Variants in PHGDH observed in about 807,000 individuals in gnomAD.
PHGDH encodes phosphoglycerate dehydrogenase.
A neutral mutation model predicts 52.6 loss-of-function variants in PHGDH; 50 were observed. That is an observed-to-expected ratio of 0.95 (90% CI 0.76 to 1.20). The LOEUF (loss-of-function observed/expected upper bound fraction) is 1.20, where lower values mean the gene tolerates loss of function less well. Ranked by LOEUF, PHGDH falls within the 50% of genes most tolerant of loss-of-function variation. PHGDH has a pLI of 0.00. For synonymous variants in PHGDH, 271 were observed against 280.5 expected, an observed-to-expected ratio of 0.97 and a Z score of 0.34; for missense variants, 630 against 684.6, an observed-to-expected ratio of 0.92 and a Z score of 0.89.
intron 5 of PHGDH, among the ~76,000 whole-genome samples, chr1:119,728,529 G>C (rs1304164884): frequency 6.6e-6 from 1 of 152,146 alleles, no homozygotes; most frequent in East Asian, 1.9e-4. Context: ...TCTTCCCCCA[G>C]GTCTCTGCCT....
intron 1 of PHGDH, among the ~76,000 whole-genome samples, chr1:119,713,705 G>T (rs587710139): frequency 6.6e-6 from 1 of 152,288 alleles, no homozygotes; most frequent in South Asian, 2.1e-4. Flanking sequence ...TTGTATCAGT[G>T]GCTCTGGGGA....
rs59674663 is a variant in PHGDH, at chr1:119,722,898, C to CA, written c.291-461dup. On this transcript the variant is annotated intron_variant, in intron 2 of 11. Coordinates refer to ENST00000641023, the MANE Select transcript of PHGDH (RefSeq NM_006623.4). ...CCTGGGTGACAGAGCGAGGCCTTGTCAAAAAAAAAAAAAAAAAGCCAGGTT... is the reference window on the plus strand; with the variant it reads ...CCTGGGTGACAGAGCGAGGCCTTGTCAAAAAAAAAAAAAAAAAAGCCAGGTT... Among the ~76,000 whole-genome samples, 408 of 88,514 alleles carry CA rather than the reference C, an allele frequency of 4.6e-3. 1 individual carries two copies. Among genetic ancestry groups the CA allele is most frequent in the Middle Eastern group, 0.013 (2 of 150 alleles). 58.1% of individuals were successfully genotyped at this position (88,514 alleles called of 152,430 possible). A position where few individuals can be genotyped will look rare whatever the true frequency, so the allele number is the denominator to read the frequency against.
At chr1:119,722,504 G>T (rs587630043) in intron 2 of PHGDH, among the ~76,000 whole-genome samples, 19 of 152,296 alleles carry the variant, frequency 1.2e-4, no homozygotes, top group Admixed American at 3.3e-4. Context: ...ATTGCCCTGT[G>T]ACTTAGGGTG....
At chr1:119,725,824 G>A (rs899023327) in intron 3 of PHGDH, among the ~76,000 whole-genome samples, 21 of 152,306 alleles carry the variant, frequency 1.4e-4, no homozygotes, top group African/African-American at 4.6e-4. Context: ...GAGGCTGGCC[G>A]TGCTGGGGTT....
chr1:119,738,280 G>A (rs1051119426), intron 8 of PHGDH, among the ~76,000 whole-genome samples: 11 of 152,280 alleles, frequency 7.2e-5, no homozygotes, highest in African/African-American at 1.9e-4. Context: ...CAGGAGAGAC[G>A]GGGATTTTGG....
At chr1:119,737,598 G>A (rs1652002864) in intron 8 of PHGDH, among the ~76,000 whole-genome samples, 2 of 152,128 alleles carry the variant, frequency 1.3e-5, no homozygotes, top group South Asian at 4.1e-4. Flanking sequence ...GTGCTGCTTG[G>A]GTGCCAGCTG....
intron 6 of PHGDH, 48 bp from the exon 7 acceptor site, chr1:119,735,246 TG>T (rs1317743598): frequency 6.2e-7 from 1 of 1,612,906 alleles, no homozygotes; most frequent in Admixed American, 1.7e-5. Context: ...GGGATGAGCG[TG>T]GGGATCCTGG....
chr1:119,714,671 C>T (rs1338008563), intron 1 of PHGDH, among the ~76,000 whole-genome samples: 1 of 152,162 alleles, frequency 6.6e-6, no homozygotes, highest in Admixed American at 6.5e-5. Context: ...GAGGTTGAGA[C>T]CAGACTGGGC....
chr1:119,725,347 A>T (rs1437711666), intron 3 of PHGDH, among the ~76,000 whole-genome samples: 1 of 152,200 alleles, frequency 6.6e-6, no homozygotes. Flanking sequence ...CCGCACGCAT[A>T]CATCTTAGAT....
Position 119,734,642 on chromosome 1 carries a change from G to C in PHGDH, c.519G>C (p.Gly173=). 1 of 1,614,016 alleles carries C rather than the reference G, an allele frequency of 6.2e-7. No individual in the cohort carries two copies. The highest frequency in any genetic ancestry group is 8.5e-7 in the Non-Finnish European group (1 of 1,179,916). The change falls in exon 6 of 12, where the codon GGG becomes GGC. Residue 173 remains glycine (G), a synonymous_variant. Transcript: ENST00000641023. Reference sequence around the variant, plus strand: ...CTCTTGCTTCCAACCAGACTATAGGGTATGACCCCATCATTTCCCCAGAGG... The same window carrying C: ...CTCTTGCTTCCAACCAGACTATAGGCTATGACCCCATCATTTCCCCAGAGG... ...RMQSFGMKTI[G]YDPIISPEVS...
At position 119,737,588 on chromosome 1, in the gene PHGDH, G is replaced by C. The variant is rs188180106; in HGVS notation, c.945+322G>C. ...CTCCACATGCCGTGGGAGTGAAGGA[G>C]TGCTGCTTGGGTGCCAGCTGGACGC... On this transcript the variant is annotated intron_variant, in intron 8 of 11. Transcript: ENST00000641023. Among the ~76,000 whole-genome samples, 556 of 152,276 alleles carry C rather than the reference G, an allele frequency of 3.7e-3. 2 individuals carry two copies. The highest frequency in any genetic ancestry group is 5.9e-3 in the Non-Finnish European group (399 of 68,020).
chr1:119,721,384 C>A, intron 2 of PHGDH, 63 bp downstream of exon 2: 1 of 1,528,426 alleles, frequency 6.5e-7, no homozygotes, highest in South Asian at 1.2e-5. Context: ...CTGACCACAC[C>A]TAGGGAGAAA....
chr1:119,738,898 G>A (rs1326161605), intron 8 of PHGDH, among the ~76,000 whole-genome samples: 1 of 152,186 alleles, frequency 6.6e-6, no homozygotes, highest in African/African-American at 2.4e-5. Flanking sequence ...GGACCACACA[G>A]TGTCCCCATC....
rs1651479710 is a variant in PHGDH, at chr1:119,727,414, CAA to C, written c.510+313_510+314del. 6.3e-5 allele frequency: 27 copies of C among 431,784 alleles called. No individual in the cohort carries two copies. The East Asian group carries it at 1.3e-3, about 21-fold the overall frequency. The allele number at this position is 431,784 out of a possible 1,614,324, so 26.7% of individuals were successfully genotyped here. A position where few individuals can be genotyped will look rare whatever the true frequency, so the allele number is the denominator to read the frequency against. On this transcript the variant is annotated intron_variant, in intron 5 of 11. Coordinates refer to ENST00000641023, the MANE Select transcript of PHGDH (RefSeq NM_006623.4). ...TCTTCTTAGTTTAAAAGAATTTAAA[CAA>C]GAGACACGGTGCAGCATTGAGGAGT... is the stretch of plus-strand genomic sequence containing the variant.
rs776122990 is a variant in PHGDH, at chr1:119,743,002, C to G, written c.1405C>G (p.Arg469Gly). 3 of 1,613,814 alleles carry G rather than the reference C, an allele frequency of 1.9e-6. No individual in the cohort carries two copies. The highest frequency in any genetic ancestry group is 2.5e-6 in the Non-Finnish European group (3 of 1,179,674). The change falls in exon 11 of 12, where the codon CGG (arginine) becomes GGG (glycine). Residue 469 changes from arginine to glycine, a missense_variant. Physicochemically the swap from Arg to Gly is moderately radical, Grantham distance 125 (BLOSUM62 -2). Transcript: ENST00000641023. ...CAGGGACCTGCCCCTGCTCCTATTC[C>G]GGACTCAGACCTCTGACCCTGCAAT... ...LRRDLPLLLFRTQTSDPAMLP... is the reference protein window; with the variant it reads ...LRRDLPLLLFGTQTSDPAMLP...
At chr1:119,735,218 G>A (rs1239716997) in intron 6 of PHGDH, 77 bp from the exon 7 acceptor site, 1 of 1,590,378 alleles carries the variant, frequency 6.3e-7, no homozygotes, top group African/African-American at 1.3e-5. Flanking sequence ...CAAGGAAAGG[G>A]AAGACCTCTG....
intron 5 of PHGDH, 44 bp from the exon 6 acceptor site, chr1:119,734,590 T>G: frequency 2.5e-6 from 4 of 1,592,166 alleles, no homozygotes; most frequent in Non-Finnish European, 3.4e-6. Flanking sequence ...ACAATACTAA[T>G]AATTAAGAAT....
Position 119,740,603 on chromosome 1 carries a change from C to T in PHGDH, c.1078+85C>T. ...CCTGCTGGGTGTATTTGCTGCAGGA[C>T]ACAGGGTTAGTGAGAGGCAGTGAGG... On this transcript the variant is annotated intron_variant, in intron 9 of 11. Transcript: ENST00000641023. 1.5e-5 allele frequency: 18 copies of T among 1,238,154 alleles called. No individual in the cohort carries two copies. The South Asian group carries it at 2.5e-4, about 17-fold the overall frequency. The allele number at this position is 1,238,154 out of a possible 1,614,324, so 76.7% of individuals were successfully genotyped here. A position where few individuals can be genotyped will look rare whatever the true frequency, so the allele number is the denominator to read the frequency against.
At chr1:119,731,410 G>A (rs925977746) in intron 5 of PHGDH, among the ~76,000 whole-genome samples, 11 of 152,198 alleles carry the variant, frequency 7.2e-5, no homozygotes, top group Admixed American at 6.5e-5. Context: ...CAATCAAGAA[G>A]CGAGCCTTGT....
Sources: gnomAD v4.1 joint callset for allele counts (sites outside exome capture counted in the v4.1 genomes callset) on GRCh38, gnomAD v4.1.1 for gene constraint, MANE v1.5 for transcripts, NCBI Gene and HGNC (gene_info 2026-07-23, HGNC 2026-07-21) for gene names.